YEATS2: variants seen among roughly 807,000 people sequenced by gnomAD.
The protein encoded by YEATS2 is YEATS domain containing 2, also known as YEATS domain-containing protein 2.
YEATS2 carries 77 observed loss-of-function variants against 163.2 expected under a neutral mutation model. The ratio of observed to expected loss-of-function variants is 0.47; its 90% CI spans 0.39 to 0.57. The LOEUF (loss-of-function observed/expected upper bound fraction) is 0.57. Ranked by LOEUF, YEATS2 falls within the 20% of genes least tolerant of loss-of-function variation. The pLI is 0.00. For missense variants in YEATS2, 1,549 were observed against 1,729.8 expected, an observed-to-expected ratio of 0.90 and a Z score of 1.85; for synonymous variants, 631 against 645.1, an observed-to-expected ratio of 0.98 and a Z score of 0.33.
At chr3:183,810,353 G>A in intron 30 of YEATS2, 122 bp from the exon 31 acceptor site, 1 of 828,170 alleles carries the variant, frequency 1.2e-6, no homozygotes, top group Non-Finnish European at 2.0e-6. Context: ...TATGTCTGTG[G>A]CTCAGGAGCC....
At chr3:183,773,252 G>A (rs1194941963) in intron 16 of YEATS2, among the ~76,000 whole-genome samples, 1 of 152,166 alleles carries the variant, frequency 6.6e-6, no homozygotes, top group Non-Finnish European at 1.5e-5. Flanking sequence ...GGGAAAATAT[G>A]TAATCCTCCA....
intron 7 of YEATS2, among the ~76,000 whole-genome samples, chr3:183,736,385 A>AAATGCCAATTAATGGTATTTAAT (rs1718344400): frequency 6.6e-6 from 1 of 152,302 alleles, no homozygotes; most frequent in East Asian, 1.9e-4. Flanking sequence ...TGTATCTGTC[A>AAATGCCAATTAATGGTATTTAAT]AATGCCAATT....
At position 183,759,061 on chromosome 3, in the gene YEATS2, T is replaced by TATA. The variant is rs1392724300; in HGVS notation, c.1656+97_1656+98insTAA. ...AAATGGAGATGGGGTCTCCCCGTAT[T>TATA]AACCAGGCTGTATCGAACTCCTGGC... On this transcript the variant is annotated intron_variant, in intron 13 of 30. Transcript: ENST00000305135. 3 of 824,810 alleles carry TATA rather than the reference T, an allele frequency of 3.6e-6. No homozygotes were observed. In the Admixed American group the frequency reaches 1.1e-4, roughly 29 times the overall value. 51.1% of individuals were successfully genotyped at this position (824,810 alleles called of 1,614,324 possible). A position where few individuals can be genotyped will look rare whatever the true frequency, so the allele number is the denominator to read the frequency against.
intron 28 of YEATS2, chr3:183,807,620 G>T: frequency 4.7e-6 from 1 of 214,446 alleles, no homozygotes; most frequent in South Asian, 7.0e-5. Flanking sequence ...CAGTTGCTCA[G>T]GGCCCAAGGT....
chr3:183,766,526 A>G (rs1313187391), intron 15 of YEATS2, among the ~76,000 whole-genome samples: 1 of 152,240 alleles, frequency 6.6e-6, no homozygotes, highest in African/African-American at 2.4e-5. Context: ...TAATCAAAGC[A>G]TGAATCGAAG....
intron 1 of YEATS2, among the ~76,000 whole-genome samples, chr3:183,698,509 C>T (rs1713725199): frequency 6.6e-6 from 1 of 152,132 alleles, no homozygotes; most frequent in African/African-American, 2.4e-5. Flanking sequence ...GTGGAAGCCT[C>T]GGAAAGTGAG....
In YEATS2 at chr3:183,752,235, G is replaced by C. The variant is rs543782061; in HGVS notation, c.1132G>C (p.Asp378His). The C allele has an allele frequency of 1.8e-5, 29 of 1,613,994 alleles. No homozygotes were observed. The highest frequency in any genetic ancestry group is 3.3e-5 in the Admixed American group (2 of 59,988). Residue 378 changes from aspartate to histidine, a missense_variant, in exon 10 of 31, where the codon GAT becomes CAT. Physicochemically the swap from Asp to His is moderately conservative, Grantham distance 81. Coordinates refer to ENST00000305135, the MANE Select transcript of YEATS2 (RefSeq NM_018023.5). ...PIKQSHEPVP[D>H]TSVEKGFPAS... ...AAAGCAGTCACATGAGCCAGTACCC[G>C]ATACCTCTGTGGAGAAAGGTAATAC...
Position 183,786,164 on chromosome 3 carries a change from G to A in YEATS2, c.2776G>A (p.Asp926Asn), listed in dbSNP as rs370884615. Residue 926 changes from aspartate to asparagine, a missense_variant, in exon 20 of 31, where the codon GAT becomes AAT. Transcript: ENST00000305135. ...ACAGGCATCTCTAATGAAAATATCCGATAGCACCTTGAAGACTGTGCCAGC... is the reference window on the plus strand; with the variant it reads ...ACAGGCATCTCTAATGAAAATATCCAATAGCACCTTGAAGACTGTGCCAGC... Reference protein sequence around the residue: ...GGQASLMKISDSTLKTVPATS... With the variant: ...GGQASLMKISNSTLKTVPATS... The A allele has an allele frequency of 5.9e-5, 96 of 1,613,894 alleles. No homozygotes were observed. Among genetic ancestry groups the A allele is most frequent in the South Asian group, 7.7e-5 (7 of 91,076 alleles).
At chr3:183,725,894 T>A (rs1717041072) in intron 6 of YEATS2, among the ~76,000 whole-genome samples, 1 of 152,218 alleles carries the variant, frequency 6.6e-6, no homozygotes. Context: ...TTTGACTTTT[T>A]GTTCTTCTTC....
Position 183,707,678 on chromosome 3 carries a change from A to ATTTTTT in YEATS2, c.-19-7448_-19-7443dup, listed in dbSNP as rs1176429941. ...ATTGTACTACTCCCCTTCCCCACCT[A>ATTTTTT]TTTTTTTTTTTTTTTTTTTTTTTGA... On this transcript the variant is annotated intron_variant, in intron 1 of 30. Coordinates refer to ENST00000305135, the MANE Select transcript of YEATS2 (RefSeq NM_018023.5). 8.1e-3 allele frequency among the ~76,000 whole-genome samples: 856 copies of ATTTTTT among 106,096 alleles called. 40 individuals carry two copies. Among genetic ancestry groups the ATTTTTT allele is most frequent in the African/African-American group, 0.03 (799 of 26,520 alleles). 69.6% of individuals were successfully genotyped at this position (106,096 alleles called of 152,430 possible). A position where few individuals can be genotyped will look rare whatever the true frequency, so the allele number is the denominator to read the frequency against.
In YEATS2 at chr3:183,800,538, A is replaced by G; in HGVS notation, c.3398A>G (p.Glu1133Gly). 6.2e-7 allele frequency: 1 copy of G among 1,614,148 alleles called. No homozygotes were observed. The highest frequency in any genetic ancestry group is 2.2e-5 in the East Asian group (1 of 44,878). Residue 1133 changes from glutamate to glycine, a missense_variant, in exon 24 of 31, where the codon GAA (glutamate) becomes GGA (glycine). Glu to Gly is a moderately conservative substitution (Grantham distance 98, BLOSUM62 -2). Transcript: ENST00000305135. Reference sequence around the variant, plus strand: ...GGTCAGACAGCAGTGAAAACAGAAGAAAGTTCTGAGCTGGGAAACTATGTC... The same window carrying G: ...GGTCAGACAGCAGTGAAAACAGAAGGAAGTTCTGAGCTGGGAAACTATGTC... ...QEGQTAVKTE[E>G]SSELGNYVIK...
At chr3:183,736,152 CA>C (rs1311867623) in intron 7 of YEATS2, among the ~76,000 whole-genome samples, 3 of 152,204 alleles carry the variant, frequency 2.0e-5, no homozygotes, top group South Asian at 2.1e-4. Flanking sequence ...GAGAATTCTC[CA>C]ATCCAGTTAG....
intron 2 of YEATS2, among the ~76,000 whole-genome samples, chr3:183,716,116 C>T (rs184757318): frequency 6.4e-4 from 97 of 152,130 alleles, no homozygotes; most frequent in Middle Eastern, 3.4e-3. Context: ...CCCGCCACCA[C>T]GCCTTGCTAA....
rs1180354748 is a variant in YEATS2 at position 183,786,293 on chromosome 3, G to C, written c.2905G>C (p.Ala969Pro). Reference protein sequence around the residue: ...PAVALSANGPAQQSEGMAPVS... With the variant: ...PAVALSANGPPQQSEGMAPVS... Reference sequence around the variant, plus strand: ...CGTGGCCCTCTCAGCAAACGGTCCTGCACAACAGGTGAGAAATAGCATGTC... The same window carrying C: ...CGTGGCCCTCTCAGCAAACGGTCCTCCACAACAGGTGAGAAATAGCATGTC... The change falls in exon 20 of 31, where the codon GCA becomes CCA. Residue 969 changes from alanine to proline, a missense_variant. Ala to Pro is a conservative substitution (Grantham distance 27). Transcript: ENST00000305135. The C allele has an allele frequency of 3.7e-6, 6 of 1,609,256 alleles. No individual in the cohort carries two copies. Among genetic ancestry groups the C allele is most frequent in the Non-Finnish European group, 5.1e-6 (6 of 1,176,392 alleles).
intron 8 of YEATS2, among the ~76,000 whole-genome samples, chr3:183,737,255 G>A (rs1335096925): frequency 3.3e-5 from 5 of 152,186 alleles, no homozygotes; most frequent in African/African-American, 7.2e-5. Context: ...AAGAAAATCC[G>A]TGTATAAGCA....
At chr3:183,716,214 G>A (rs571084057) in intron 2 of YEATS2, among the ~76,000 whole-genome samples, 1 of 152,062 alleles carries the variant, frequency 6.6e-6, no homozygotes, top group South Asian at 2.1e-4. Context: ...CCGCCTCGGC[G>A]TCCCAAAGTG....
intron 7 of YEATS2, among the ~76,000 whole-genome samples, chr3:183,735,756 A>G (rs561890942): frequency 3.3e-4 from 50 of 151,596 alleles, no homozygotes; most frequent in African/African-American, 1.2e-3. Context: ...GTGTGATCTC[A>G]GCTCACTGCT....
chr3:183,735,231 C>G (rs763189316), intron 7 of YEATS2, among the ~76,000 whole-genome samples: 1 of 152,148 alleles, frequency 6.6e-6, no homozygotes, highest in Non-Finnish European at 1.5e-5. Context: ...TTTAGACTTA[C>G]CATTTAGCTT....
At chr3:183,711,298 G>A (rs989483929) in intron 1 of YEATS2, among the ~76,000 whole-genome samples, 2 of 151,612 alleles carry the variant, frequency 1.3e-5, no homozygotes, top group East Asian at 1.9e-4. Flanking sequence ...GTAAAACCCC[G>A]TCTCCACAAA....
Sources: allele counts gnomAD v4.1 joint callset (sites outside exome capture counted in the v4.1 genomes callset), GRCh38; gene constraint gnomAD v4.1.1; transcripts MANE v1.5; gene names NCBI Gene and HGNC (gene_info 2026-07-23, HGNC 2026-07-21).